The following PCDHGC3 variants were observed in gnomAD, a reference collection of about 807,000 sequenced individuals.
PCDHGC3 encodes the protein protocadherin gamma-C3.
A neutral mutation model predicts 59.2 loss-of-function variants in PCDHGC3; 26 were observed. That is an observed-to-expected ratio of 0.44 (90% confidence interval 0.32 to 0.61). The LOEUF (loss-of-function observed/expected upper bound fraction) is 0.61. Ranked by LOEUF, PCDHGC3 falls within the 20% of genes least tolerant of loss-of-function variation. The pLI, the probability that PCDHGC3 is intolerant of heterozygous loss-of-function variation, is 0.05. For missense variants in PCDHGC3, 1,080 were observed against 1,221.8 expected (o/e 0.88, Z 1.73); for synonymous variants, 487 against 519.7 (o/e 0.94, Z 0.86).
chr5:141,502,516 A>G (rs947349505), intron 2 of PCDHGC3, among the ~76,000 whole-genome samples: 1 of 152,146 alleles, frequency 6.6e-6, no homozygotes, highest in African/African-American at 2.4e-5. Flanking sequence ...TCCCACTATC[A>G]GTGATGCCGA....
In PCDHGC3 at chr5:141,486,819, T is replaced by TG; in HGVS notation, c.2431-7988_2431-7987insG. 6.2e-7 allele frequency: 1 copy of TG among 1,614,212 alleles called. No homozygotes were observed. Among genetic ancestry groups the TG allele is most frequent in the Non-Finnish European group, 8.5e-7 (1 of 1,180,034 alleles). On this transcript the variant is annotated intron_variant, in intron 1 of 3. Coordinates refer to ENST00000308177, the MANE Select transcript of PCDHGC3 (RefSeq NM_002588.4). The surrounding 1 kb of genome is among the most constrained non-coding windows in gnomAD (Gnocchi z 5.0). ...GGCAACCCACCCCTTAGCAGCACTG[T>TG]AACAGTTCGTCTATTTGTGCTGGAC...
chr5:141,482,505 C>T (rs1183998287), intron 1 of PCDHGC3, among the ~76,000 whole-genome samples: 1 of 122,986 alleles, frequency 8.1e-6, no homozygotes, highest in African/African-American at 3.4e-5. Context: ...TTCTGGTACC[C>T]AGAGTACAGT....
chr5:141,479,939 A>G (rs763454741), intron 1 of PCDHGC3, among the ~76,000 whole-genome samples: 2 of 152,004 alleles, frequency 1.3e-5, no homozygotes, highest in Non-Finnish European at 2.9e-5. Flanking sequence ...ATTGCTATCA[A>G]CTCTTGGATT....
intron 2 of PCDHGC3, among the ~76,000 whole-genome samples, chr5:141,497,332 A>G (rs537994715): frequency 6.6e-6 from 1 of 152,024 alleles, no homozygotes; most frequent in Non-Finnish European, 1.5e-5. Context: ...AGAATTCACC[A>G]TTGAACCTGG....
intron 2 of PCDHGC3, among the ~76,000 whole-genome samples, chr5:141,498,828 G>C (rs2099786098): frequency 6.6e-6 from 1 of 152,092 alleles, no homozygotes; most frequent in Non-Finnish European, 1.5e-5. Flanking sequence ...AGCTACTCAG[G>C]AGGCTGAGGC....
intron 1 of PCDHGC3, among the ~76,000 whole-genome samples, chr5:141,483,646 GTT>G (rs2099584256): frequency 6.8e-6 from 1 of 146,706 alleles, no homozygotes; most frequent in Admixed American, 6.7e-5. Flanking sequence ...AGGGGTGTGT[GTT>G]TGTGTGTGTG....
chr5:141,500,340 C>T (rs188966393), intron 2 of PCDHGC3, among the ~76,000 whole-genome samples: 1 of 151,950 alleles, frequency 6.6e-6, no homozygotes, highest in East Asian at 1.9e-4. Flanking sequence ...TCCAGAATAG[C>T]TGGGACTACA....
intron 3 of PCDHGC3, among the ~76,000 whole-genome samples, chr5:141,510,657 G>A (rs1388054630): frequency 6.6e-6 from 1 of 152,156 alleles, no homozygotes; most frequent in Non-Finnish European, 1.5e-5. Context: ...CCATTTTGCA[G>A]ATGAGAAAAC....
chr5:141,502,864 G>T (rs1595824348), intron 2 of PCDHGC3, among the ~76,000 whole-genome samples: 4 of 61,548 alleles, frequency 6.5e-5, no homozygotes, highest in African/African-American at 2.4e-4. Flanking sequence ...CTGACTCTCT[G>T]TCTTTTTTTT....
chr5:141,477,553 A>T lies in PCDHGC3; in HGVS notation c.1437A>T (p.Leu479=), dbSNP rs1478806410. 6.2e-7 allele frequency: 1 copy of T among 1,614,090 alleles called. No homozygotes were observed. Among genetic ancestry groups the T allele is most frequent in the Admixed American group, 1.7e-5 (1 of 60,028 alleles). The change falls in exon 1 of 4, where the codon CTA becomes CTT. Residue 479 remains leucine (L), a synonymous_variant. Coordinates refer to ENST00000308177, the MANE Select transcript of PCDHGC3 (RefSeq NM_002588.4). The surrounding 1 kb of genome is among the most constrained non-coding windows in gnomAD (Gnocchi z 4.9). ...NNLPGAPILN[L]SVWDPDAPQN... ...TCCCCGGGGCTCCAATACTAAACCT[A>T]AGTGTCTGGGACCCCGACGCCCCGC...
Position 141,476,383 on chromosome 5 carries a change from C to T in PCDHGC3, c.267C>T (p.Asn89=), listed in dbSNP as rs547854431. The T allele has an allele frequency of 6.2e-7, 1 of 1,613,984 alleles. No homozygotes were observed. The highest frequency in any genetic ancestry group is 8.5e-7 in the Non-Finnish European group (1 of 1,180,044). The change falls in exon 1 of 4, where the codon AAC becomes AAT. Residue 89 remains asparagine, a synonymous_variant. Coordinates refer to ENST00000308177, the MANE Select transcript of PCDHGC3 (RefSeq NM_002588.4). This position sits in a 1 kb window ranked among gnomAD's most constrained non-coding sequence, Gnocchi z 7.6. The part of the protein sequence containing the change: ...VNRETGEMFV[N]DRLDREELCG... ...GGGAGACCGGAGAGATGTTTGTGAA[C>T]GACCGTCTGGATCGAGAGGAGCTGT...
Position 141,486,320 on chromosome 5 carries a change from G to A in PCDHGC3, c.2430+7774G>A, listed in dbSNP as rs764851576. The stretch of plus-strand genomic sequence containing the variant: ...GCAGGATCCAGACTCAGGGTCAAAC[G>A]GAGATGTGAGCCTCCGCATTCCTGA... On this transcript the variant is annotated intron_variant, in intron 1 of 3. Coordinates refer to ENST00000308177, the MANE Select transcript of PCDHGC3 (RefSeq NM_002588.4). This position sits in a 1 kb window ranked among gnomAD's most constrained non-coding sequence, Gnocchi z 5.0. The A allele has an allele frequency of 6.2e-7, 1 of 1,614,010 alleles. No individual in the cohort carries two copies. Among genetic ancestry groups the A allele is most frequent in the South Asian group, 1.1e-5 (1 of 91,060 alleles).
Position 141,486,662 on chromosome 5 carries a change from C to T in PCDHGC3, c.2430+8116C>T. 6.2e-7 allele frequency: 1 copy of T among 1,613,970 alleles called. No homozygotes were observed. The highest frequency in any genetic ancestry group is 1.1e-5 in the South Asian group (1 of 91,086). ...GCTTATCTCCTACTCACTCCTGGAG[C>T]CCAGGAATCGAGATGTATCAGCTTC... On this transcript the variant is annotated intron_variant, in intron 1 of 3. Coordinates refer to ENST00000308177, the MANE Select transcript of PCDHGC3 (RefSeq NM_002588.4). The surrounding 1 kb of genome is among the most constrained non-coding windows in gnomAD (Gnocchi z 5.0).
Position 141,498,864 on chromosome 5 carries a change from C to T in PCDHGC3, c.2489+3999C>T, listed in dbSNP as rs1370263013. Among the ~76,000 whole-genome samples the T allele has an allele frequency of 2.7e-5, 4 of 149,532 alleles. No homozygotes were observed. The East Asian group carries it at 5.9e-4, about 22-fold the overall frequency. ...AGGGGAATCGCTTGAACCCAGGAGG[C>T]GGAGGTTGCAGTGAGCTGAGATCAC... On this transcript the variant is annotated intron_variant, in intron 2 of 3. Coordinates refer to ENST00000308177, the MANE Select transcript of PCDHGC3 (RefSeq NM_002588.4).
At position 141,486,209 on chromosome 5, in the gene PCDHGC3, A is replaced by C. The variant is rs749965379; in HGVS notation, c.2430+7663A>C. On this transcript the variant is annotated intron_variant, in intron 1 of 3. Transcript: ENST00000308177. The surrounding 1 kb of genome is among the most constrained non-coding windows in gnomAD (Gnocchi z 5.0). ...AGTGGATCTGCTGGACGTAAATGAC[A>C]ATGCCCCTTACATCACAGTGACCTC... 1 of 1,614,080 alleles carries C rather than the reference A, an allele frequency of 6.2e-7. No homozygotes were observed. Among genetic ancestry groups the C allele is most frequent in the South Asian group, 1.1e-5 (1 of 91,078 alleles).
rs895234762 is a variant in PCDHGC3 at position 141,476,911 on chromosome 5, A to G, written c.795A>G (p.Gln265=). 4 of 1,613,972 alleles carry G rather than the reference A, an allele frequency of 2.5e-6. No individual in the cohort carries two copies. The African/African-American group carries it at 4.0e-5, about 16-fold the overall frequency. Residue 265 remains glutamine, a synonymous_variant, in exon 1 of 4, where the codon CAA becomes CAG. Transcript: ENST00000308177. This position sits in a 1 kb window ranked among gnomAD's most constrained non-coding sequence, Gnocchi z 7.6. ...CACCCTCCGGCACGCGCGTGGTACA[A>G]GTCCTTGCAACGGATCTGGATGAAG... ...EDAPSGTRVV[Q]VLATDLDEGP...
intron 2 of PCDHGC3, among the ~76,000 whole-genome samples, chr5:141,499,352 CA>C (rs2099791418): frequency 6.6e-6 from 1 of 152,058 alleles, no homozygotes; most frequent in South Asian, 2.1e-4. Context: ...AGTCATTCAA[CA>C]AACAAATAGC....
intron 1 of PCDHGC3, among the ~76,000 whole-genome samples, chr5:141,494,382 G>C (rs1311387598): frequency 6.6e-6 from 1 of 152,182 alleles, no homozygotes; most frequent in Non-Finnish European, 1.5e-5. Flanking sequence ...CCCAGCTGAG[G>C]AGTTGAATAA....
rs2099730037 is a variant in PCDHGC3 at position 141,491,783 on chromosome 5, A to G, written c.2431-3024A>G. The G allele has an allele frequency of 1.3e-6, 2 of 1,539,618 alleles. No homozygotes were observed. The highest frequency in any genetic ancestry group is 2.2e-5 in the Admixed American group (1 of 46,412). On this transcript the variant is annotated intron_variant, in intron 1 of 3. Transcript: ENST00000308177. The surrounding 1 kb of genome is among the most constrained non-coding windows in gnomAD (Gnocchi z 6.9). ...CGTCCTCATAAGGGATTGAACTTGC[A>G]TCCACTCCTCTCCGGCCGGCTTGGT...
Sources: allele counts gnomAD v4.1 joint callset (sites outside exome capture counted in the v4.1 genomes callset), GRCh38; gene constraint gnomAD v4.1.1; non-coding constraint Gnocchi (gnomAD v3.1); transcripts MANE v1.5; gene names NCBI Gene and HGNC (gene_info 2026-07-23, HGNC 2026-07-21).